Variants in NKAIN2 observed in about 807,000 individuals in gnomAD.
NKAIN2 encodes sodium/potassium transporting ATPase interacting 2, also known as sodium/potassium-transporting ATPase subunit beta-1-interacting protein 2.
Under a neutral mutation model 32.6 loss-of-function variants are expected in NKAIN2, and 14 were observed. That is an observed-to-expected ratio of 0.43 (90% CI 0.28 to 0.67). The LOEUF (loss-of-function observed/expected upper bound fraction) is 0.67. Ranked by LOEUF, NKAIN2 falls within the 30% of genes least tolerant of loss-of-function variation. NKAIN2 has a pLI of 0.17. For synonymous variants in NKAIN2, 80 were observed against 87.2 expected (o/e 0.92, Z 0.46); for missense variants, 198 against 258.3 (o/e 0.77, Z 1.60).
intron 1 of NKAIN2, among the ~76,000 whole-genome samples, chr6:124,105,587 CTT>C (rs1322113849): frequency 6.6e-6 from 1 of 152,120 alleles, no homozygotes; most frequent in Non-Finnish European, 1.5e-5. Flanking sequence ...AGCACAGAGA[CTT>C]TTGTATTCCA....
At chr6:124,193,322 T>G (rs897560501) in intron 1 of NKAIN2, among the ~76,000 whole-genome samples, 1 of 152,138 alleles carries the variant, frequency 6.6e-6, no homozygotes, top group Admixed American at 6.5e-5. Flanking sequence ...TGAGCGAGCA[T>G]GTGGTCTGGC....
At chr6:123,833,147 G>A (rs1365984049) in intron 1 of NKAIN2, among the ~76,000 whole-genome samples, 1 of 152,134 alleles carries the variant, frequency 6.6e-6, no homozygotes, top group Non-Finnish European at 1.5e-5. Flanking sequence ...TGTGTCTAGA[G>A]TCACTTTTTT....
chr6:124,027,553 T>C (rs189755766), intron 1 of NKAIN2, among the ~76,000 whole-genome samples: 113 of 152,262 alleles, frequency 7.4e-4, no homozygotes, highest in Admixed American at 1.4e-3. Flanking sequence ...CCATGTCTTC[T>C]CAGTAATCCA....
chr6:124,611,238 G>A (rs1004401299), intron 3 of NKAIN2, among the ~76,000 whole-genome samples: 1 of 152,084 alleles, frequency 6.6e-6, no homozygotes, highest in Non-Finnish European at 1.5e-5. Flanking sequence ...TAAAGGGCTA[G>A]AAATTTAGCT....
In NKAIN2 at chr6:123,820,961, A is replaced by T. The variant is rs996200967; in HGVS notation, c.54+16707A>T. 3.9e-5 allele frequency among the ~76,000 whole-genome samples: 6 copies of T among 152,228 alleles called. No homozygotes were observed. The South Asian group carries it at 6.2e-4, about 16-fold the overall frequency. ...CATTCAAGAAACAATTAGAATGAAT[A>T]TATCACAAACCATAGCGGGGAAAAC... On this transcript the variant is annotated intron_variant, in intron 1 of 6. Transcript: ENST00000368417.
intron 6 of NKAIN2, among the ~76,000 whole-genome samples, chr6:124,820,156 TACA>T (rs1407906520): frequency 6.6e-6 from 1 of 152,182 alleles, no homozygotes; most frequent in African/African-American, 2.4e-5. Flanking sequence ...TCTTGATAGC[TACA>T]ACAACAAAAC....
intron 2 of NKAIN2, among the ~76,000 whole-genome samples, chr6:124,349,031 A>G (rs58268705): frequency 0.043 from 6,580 of 152,190 alleles, 269 homozygotes; most frequent in African/African-American, 0.1. Flanking sequence ...TGTTAGTACA[A>G]TGTTCCTTAG....
chr6:123,825,049 G>C (rs1218362189), intron 1 of NKAIN2, among the ~76,000 whole-genome samples: 1 of 152,148 alleles, frequency 6.6e-6, no homozygotes. Flanking sequence ...CGGGTGTCTG[G>C]TGAAAGCCTG....
chr6:124,708,756 T>G (rs1775255235), intron 4 of NKAIN2, among the ~76,000 whole-genome samples: 1 of 151,948 alleles, frequency 6.6e-6, no homozygotes, highest in African/African-American at 2.4e-5. Context: ...AATGGGGTTT[T>G]CTAGATATAC....
At chr6:124,040,254 A>C (rs1268743461) in intron 1 of NKAIN2, among the ~76,000 whole-genome samples, 1 of 151,898 alleles carries the variant, frequency 6.6e-6, no homozygotes, top group Non-Finnish European at 1.5e-5. Context: ...ATATTTATGT[A>C]AGATTTTGTT....
chr6:124,661,853 G>C (rs1583601747), intron 4 of NKAIN2, among the ~76,000 whole-genome samples: 1 of 151,904 alleles, frequency 6.6e-6, no homozygotes, highest in East Asian at 1.9e-4. Context: ...AGATCAATTG[G>C]GGAGATATTA....
At chr6:123,841,883 C>T (rs1455539318) in intron 1 of NKAIN2, among the ~76,000 whole-genome samples, 1 of 152,148 alleles carries the variant, frequency 6.6e-6, no homozygotes, top group Non-Finnish European at 1.5e-5. Flanking sequence ...GTCAGTCAAG[C>T]AACTATAGGA....
At chr6:124,363,381 G>T (rs1243164001) in intron 3 of NKAIN2, among the ~76,000 whole-genome samples, 3 of 152,126 alleles carry the variant, frequency 2.0e-5, no homozygotes, top group African/African-American at 7.2e-5. Context: ...TCTGGTTGGG[G>T]CAGGAGGCTA....
intron 1 of NKAIN2, among the ~76,000 whole-genome samples, chr6:124,049,626 T>C (rs1373117863): frequency 2.0e-5 from 3 of 152,050 alleles, no homozygotes; most frequent in Non-Finnish European, 4.4e-5. Flanking sequence ...AAATAAACAC[T>C]TGATATGTTT....
intron 1 of NKAIN2, among the ~76,000 whole-genome samples, chr6:123,807,351 A>C (rs919532093): frequency 1.7e-4 from 26 of 152,100 alleles, no homozygotes; most frequent in Admixed American, 1.0e-3. Context: ...CTCTGGAAAC[A>C]GATTTATTCC....
chr6:123,880,542 C>T (rs1334664301), intron 1 of NKAIN2, among the ~76,000 whole-genome samples: 1 of 152,120 alleles, frequency 6.6e-6, no homozygotes, highest in Non-Finnish European at 1.5e-5. Context: ...GTCCACTAGC[C>T]ACTGCCATCA....
intron 1 of NKAIN2, among the ~76,000 whole-genome samples, chr6:124,120,817 C>T (rs116773502): frequency 0.017 from 2,567 of 152,168 alleles, 85 homozygotes; most frequent in African/African-American, 0.055. Flanking sequence ...TTTGCTGGAA[C>T]ATATGGCTGG....
chr6:124,478,135 A>C (rs1380395436), intron 3 of NKAIN2, among the ~76,000 whole-genome samples: 2 of 152,224 alleles, frequency 1.3e-5, no homozygotes, highest in East Asian at 3.9e-4. Flanking sequence ...CTTCTCTTCA[A>C]GAATGCATGA....
At chr6:124,443,607 C>A (rs1343390788) in intron 3 of NKAIN2, among the ~76,000 whole-genome samples, 1 of 151,990 alleles carries the variant, frequency 6.6e-6, no homozygotes, top group Non-Finnish European at 1.5e-5. Context: ...AGCATAGGAC[C>A]ATTATAAGGG....
Sources: gnomAD v4.1 joint callset for allele counts (sites outside exome capture counted in the v4.1 genomes callset) on GRCh38, gnomAD v4.1.1 for gene constraint, MANE v1.5 for transcripts, NCBI Gene and HGNC (gene_info 2026-07-23, HGNC 2026-07-21) for gene names.